Variants in GPR35 observed in about 807,000 individuals in gnomAD.
GPR35 encodes KYNA receptor.
For synonymous variants in GPR35, 207 were observed against 198.4 expected (o/e 1.04, Z -0.36); for missense variants, 372 against 422.5 (o/e 0.88, Z 1.05).
upstream of GPR35, among the ~76,000 whole-genome samples, chr2:240,623,415 TCGTGAGGGCGCAAACAGGTCGTGAGGGC>T (rs1559437677): frequency 6.0e-4 from 47 of 78,196 alleles, 1 homozygote; most frequent in East Asian, 1.2e-3. Context: ...CGCAAACAGA[TCGTGAGGGCGCAAACAGGTCGTGAGGGC>T]GCAAACAGGT....
At position 240,631,033 on chromosome 2, in the gene GPR35, A is replaced by G; in HGVS notation, c.*151A>G. ...AGCCTTGGGTGGGCAGGGACGGCCC[A>G]GGTACCTGCTCTCTTGGGAAGAGAG... On this transcript the variant is annotated 3_prime_UTR_variant, in exon 2 of 2. Coordinates refer to ENST00000407714, the MANE Select transcript of GPR35 (RefSeq NM_005301.5). 1.5e-6 allele frequency: 1 copy of G among 659,870 alleles called. No individual in the cohort carries two copies. The highest frequency in any genetic ancestry group is 2.7e-5 in the East Asian group (1 of 36,778). The allele number at this position is 659,870 out of a possible 1,614,324, so 40.9% of individuals were successfully genotyped here.
At chr2:240,617,639 C>T (rs914458625) in intron 4 of GPR35, 2 of 180,388 alleles carry the variant, frequency 1.1e-5, no homozygotes, top group South Asian at 2.4e-4. Context: ...TCTTTCCCTT[C>T]CTTTCCTCAT....
intron 2 of GPR35, among the ~76,000 whole-genome samples, chr2:240,615,025 G>A (rs1345450924): frequency 2.0e-5 from 3 of 152,030 alleles, no homozygotes; most frequent in Admixed American, 2.0e-4. Flanking sequence ...GTGCTTGTGT[G>A]ATGTGTCTGT....
chr2:240,614,052 C>T (rs545677673), intron 2 of GPR35, among the ~76,000 whole-genome samples: 148 of 150,086 alleles, frequency 9.9e-4, no homozygotes, highest in South Asian at 1.9e-3. Flanking sequence ...TGGGCCCTAA[C>T]GCTAACCCTA....
At chr2:240,622,205 A>G (rs986630076), upstream of GPR35, among the ~76,000 whole-genome samples, 3 of 152,132 alleles carry the variant, frequency 2.0e-5, no homozygotes, top group African/African-American at 7.2e-5. Flanking sequence ...GAAAGCATAT[A>G]TTGTTCTGGA....
Position 240,629,945 on chromosome 2 carries a change from C to A in GPR35, c.-4-4C>A. 1 of 1,595,990 alleles carries A rather than the reference C, an allele frequency of 6.3e-7. No homozygotes were observed. On this transcript the variant is annotated splice_polypyrimidine_tract_variant and splice_region_variant and intron_variant, in intron 1 of 1. Coordinates refer to ENST00000407714, the MANE Select transcript of GPR35 (RefSeq NM_005301.5). ...CTGACCTCCGGCTCCCTGTGCTGCCCCAGGACCATGAATGGCACCTACAAC... is the reference window on the plus strand; with the variant it reads ...CTGACCTCCGGCTCCCTGTGCTGCCACAGGACCATGAATGGCACCTACAAC...
chr2:240,627,784 C>T (rs1034434890), intron 1 of GPR35: 1 of 151,982 alleles, frequency 6.6e-6, no homozygotes, highest in Non-Finnish European at 1.5e-5. Flanking sequence ...TGCAGTTAAA[C>T]ATTCCCCCAC....
intron 2 of GPR35, among the ~76,000 whole-genome samples, chr2:240,612,809 T>G: frequency 6.6e-6 from 1 of 151,686 alleles, no homozygotes; most frequent in East Asian, 1.9e-4. Flanking sequence ...TCTGGGGAGG[T>G]CAGAGCGTGG....
At chr2:240,623,081 C>T (rs544742287), upstream of GPR35, among the ~76,000 whole-genome samples, 6 of 152,300 alleles carry the variant, frequency 3.9e-5, no homozygotes, top group African/African-American at 1.2e-4. Context: ...GCGCCGACGA[C>T]GACTGAGCAC....
At chr2:240,609,016 G>T (rs1465619290) in intron 2 of GPR35, among the ~76,000 whole-genome samples, 2 of 152,092 alleles carry the variant, frequency 1.3e-5, no homozygotes, top group Non-Finnish European at 2.9e-5. Context: ...ATTTCATGAT[G>T]TTCTTACTAA....
At chr2:240,619,181 T>C in intron 5 of GPR35, 1 of 548,446 alleles carries the variant, frequency 1.8e-6, no homozygotes, top group South Asian at 2.4e-5. Context: ...CGTCTTTCTA[T>C]TGTGGTCAGA....
chr2:240,616,363 C>A, intron 2 of GPR35: 1 of 749,024 alleles, frequency 1.3e-6, no homozygotes. Flanking sequence ...CAGCTTCCTC[C>A]TCCGTCTCTC....
intron 3 of GPR35, among the ~76,000 whole-genome samples, chr2:240,616,763 A>G (rs2043242795): frequency 1.3e-5 from 2 of 150,418 alleles, no homozygotes; most frequent in South Asian, 4.2e-4. Context: ...AAAAAAAAAA[A>G]GTGATGTGTT....
upstream of GPR35, among the ~76,000 whole-genome samples, chr2:240,620,565 C>T (rs1046050836): frequency 5.9e-5 from 9 of 152,114 alleles, no homozygotes; most frequent in Admixed American, 2.0e-4. Context: ...TCTCAGGGCC[C>T]CTCAGGATCC....
At position 240,630,289 on chromosome 2, in the gene GPR35, G is replaced by T; in HGVS notation, c.337G>T (p.Asp113Tyr). The change falls in exon 2 of 2, where the codon GAC becomes TAC. Residue 113 changes from aspartate (D) to tyrosine (Y), a missense_variant. Coordinates refer to ENST00000407714, the MANE Select transcript of GPR35 (RefSeq NM_005301.5). ...CAGCCTGGTCACGGCCATCGCCGTG[G>T]ACCGCTATGTGGCCGTGCGGCACCC... The part of the protein sequence containing the change: ...SISLVTAIAV[D>Y]RYVAVRHPLR... The T allele has an allele frequency of 6.4e-7, 1 of 1,569,360 alleles. No homozygotes were observed. The highest frequency in any genetic ancestry group is 1.2e-5 in the South Asian group (1 of 85,878).
chr2:240,630,483 G>T lies in GPR35; in HGVS notation c.531G>T (p.Leu177=). Residue 177 remains leucine, a synonymous_variant, in exon 2 of 2, where the codon CTG becomes CTT. Coordinates refer to ENST00000407714, the MANE Select transcript of GPR35 (RefSeq NM_005301.5). ...RHNFNSMAFP[L]LGFYLPLAVV... ...ATTTCAACTCCATGGCGTTCCCGCT[G>T]CTGGGATTCTACCTGCCCCTGGCCG... The T allele has an allele frequency of 1.2e-6, 2 of 1,612,948 alleles. No individual in the cohort carries two copies. The highest frequency in any genetic ancestry group is 1.7e-6 in the Non-Finnish European group (2 of 1,179,974).
chr2:240,608,080 T>C (rs2043152322), intron 2 of GPR35, among the ~76,000 whole-genome samples: 1 of 152,050 alleles, frequency 6.6e-6, no homozygotes. Flanking sequence ...TTTGTAGAGA[T>C]TGGGTCTTGC....
At chr2:240,608,382 G>C (rs1022815734) in intron 2 of GPR35, among the ~76,000 whole-genome samples, 6 of 152,190 alleles carry the variant, frequency 3.9e-5, no homozygotes, top group African/African-American at 4.8e-5. Flanking sequence ...CCATTGCCCA[G>C]CTTGAAGTTT....
At chr2:240,614,070 C>T (rs1014904451) in intron 2 of GPR35, among the ~76,000 whole-genome samples, 1 of 152,062 alleles carries the variant, frequency 6.6e-6, no homozygotes, top group Non-Finnish European at 1.5e-5. Flanking sequence ...CTAACCATGC[C>T]TCATGTGGAC....
Sources: allele counts gnomAD v4.1 joint callset (sites outside exome capture counted in the v4.1 genomes callset), GRCh38; gene constraint gnomAD v4.1.1; transcripts MANE v1.5; gene names NCBI Gene and HGNC (gene_info 2026-07-23, HGNC 2026-07-21).